CEP162: variants seen among roughly 807,000 people sequenced by gnomAD.
CEP162 encodes the protein centrosomal protein 162, also known as centrosomal protein of 162 kDa.
CEP162 carries 141 observed loss-of-function variants against 169.2 expected under a neutral mutation model. The observed-to-expected ratio is 0.83, with a 90% CI of 0.73 to 0.96. The LOEUF is 0.96. CEP162 is among the 40% of genes least tolerant of loss of function. CEP162 has a pLI of 0.00. For synonymous variants in CEP162, 540 were observed against 526.4 expected (o/e 1.03, Z -0.35); for missense variants, 1,600 against 1,587.2 (o/e 1.01, Z -0.14).
intron 2 of CEP162, among the ~76,000 whole-genome samples, chr6:84,222,923 T>G (rs1318319274): frequency 6.6e-6 from 1 of 152,202 alleles, no homozygotes; most frequent in Non-Finnish European, 1.5e-5. Context: ...AGAAAAAATA[T>G]TCCTTAAACC....
Position 84,155,543 on chromosome 6 carries a change from T to TA in CEP162, c.2782-34dup, listed in dbSNP as rs1236684129. The TA allele has an allele frequency of 3.6e-6, 5 of 1,384,774 alleles. No homozygotes were observed. In the East Asian group the frequency reaches 9.2e-5, roughly 25 times the overall value. 85.8% of individuals were successfully genotyped at this position (1,384,774 alleles called of 1,614,324 possible). On this transcript the variant is annotated intron_variant, in intron 21 of 26. Transcript: ENST00000403245. Reference sequence around the variant, plus strand: ...AACATATTTTCCACCAAAGAACACTTAGATTTAATAAATGAATTCAGTAAA... The same window carrying TA: ...AACATATTTTCCACCAAAGAACACTTAAGATTTAATAAATGAATTCAGTAAA...
chr6:84,153,041 G>C lies in CEP162; in HGVS notation c.3133C>G (p.Leu1045Val). 1.9e-6 allele frequency: 3 copies of C among 1,613,484 alleles called. No homozygotes were observed. Among genetic ancestry groups the C allele is most frequent in the Non-Finnish European group, 2.5e-6 (3 of 1,179,730 alleles). Reference protein sequence around the residue: ...KEAHQITVRNLEAEIDVLKHQ... With the variant: ...KEAHQITVRNVEAEIDVLKHQ... ...TTAAGAACGTCTATTTCGGCTTCAA[G>C]GTTTCTTACAGTGATCTGATGGGCT... is the stretch of plus-strand genomic sequence containing the variant. The change falls in exon 23 of 27, where the codon CTT (leucine) becomes GTT (valine). Residue 1045 changes from leucine (L) to valine (V), a missense_variant. By Grantham distance (32) the Leu-to-Val change is conservative. Coordinates refer to ENST00000403245, the MANE Select transcript of CEP162 (RefSeq NM_014895.4).
At chr6:84,166,433 C>T (rs1264612596) in intron 18 of CEP162, among the ~76,000 whole-genome samples, 1 of 152,220 alleles carries the variant, frequency 6.6e-6, no homozygotes, top group Admixed American at 6.5e-5. Flanking sequence ...TTACCTCTAA[C>T]TCATCACCCA....
intron 6 of CEP162, 46 bp downstream of exon 6, chr6:84,212,911 A>G (rs1229847973): frequency 8.9e-7 from 1 of 1,118,034 alleles, no homozygotes. Flanking sequence ...ATTAAAAGCT[A>G]TATTATCTTT....
intron 25 of CEP162, among the ~76,000 whole-genome samples, chr6:84,140,867 A>G (rs1268649589): frequency 6.6e-6 from 1 of 152,188 alleles, no homozygotes; most frequent in Non-Finnish European, 1.5e-5. Flanking sequence ...GGTCTAGAGC[A>G]GCAGTTCCCA....
At chr6:84,221,230 TTCA>T (rs2099553607) in intron 2 of CEP162, 59 bp from the exon 3 acceptor site, 1 of 835,546 alleles carries the variant, frequency 1.2e-6, no homozygotes, top group Admixed American at 1.9e-5. Context: ...GAATCTCAGA[TTCA>T]TCATTAAGCA....
chr6:84,128,107 T>C (rs1001641194), intron 25 of CEP162, among the ~76,000 whole-genome samples: 4 of 152,226 alleles, frequency 2.6e-5, no homozygotes, highest in African/African-American at 9.6e-5. Context: ...CACCCAGCGC[T>C]GCCCATGGCA....
Position 84,192,712 on chromosome 6 carries a change from T to G in CEP162, c.1109+897A>C, listed in dbSNP as rs532021016. On this transcript the variant is annotated intron_variant, in intron 11 of 26. Coordinates refer to ENST00000403245, the MANE Select transcript of CEP162 (RefSeq NM_014895.4). Reference sequence around the variant, plus strand: ...TGACAGACTATTTCACAGAAGTATTTTATGGAGATCAAAGACCTGACAATG... The same window carrying G: ...TGACAGACTATTTCACAGAAGTATTGTATGGAGATCAAAGACCTGACAATG... 7.2e-5 allele frequency among the ~76,000 whole-genome samples: 11 copies of G among 152,326 alleles called. No homozygotes were observed. The South Asian group carries it at 2.3e-3, about 32-fold the overall frequency.
At chr6:84,152,438 A>G in intron 23 of CEP162, 107 bp downstream of exon 23, 1 of 566,418 alleles carries the variant, frequency 1.8e-6, no homozygotes, top group Non-Finnish European at 2.9e-6. Flanking sequence ...TTCACTTATG[A>G]ATTCAGTTCG....
At chr6:84,130,171 G>A (rs775599177) in intron 25 of CEP162, among the ~76,000 whole-genome samples, 3 of 152,136 alleles carry the variant, frequency 2.0e-5, no homozygotes, top group East Asian at 1.9e-4. Context: ...ATTGATTTGC[G>A]TATGGTGAAC....
intron 11 of CEP162, among the ~76,000 whole-genome samples, chr6:84,189,935 C>T (rs919217917): frequency 1.3e-5 from 2 of 152,088 alleles, no homozygotes; most frequent in African/African-American, 4.8e-5. Context: ...CTGTACCAAT[C>T]GACACTCTGT....
chr6:84,205,002 C>T (rs908241837), intron 6 of CEP162, among the ~76,000 whole-genome samples: 2 of 152,120 alleles, frequency 1.3e-5, no homozygotes, highest in African/African-American at 2.4e-5. Flanking sequence ...TGGACACATA[C>T]ACCCTCCCAA....
At chr6:84,221,581 G>A (rs974523124) in intron 2 of CEP162, among the ~76,000 whole-genome samples, 3 of 152,118 alleles carry the variant, frequency 2.0e-5, no homozygotes, top group African/African-American at 4.8e-5. Flanking sequence ...GAGTTTCAGG[G>A]TGTAAAGAGG....
At chr6:84,171,352 A>G (rs1180293453) in intron 17 of CEP162, among the ~76,000 whole-genome samples, 1 of 152,218 alleles carries the variant, frequency 6.6e-6, no homozygotes, top group East Asian at 1.9e-4. Flanking sequence ...CCTGAAACTG[A>G]TGTTTGAATC....
chr6:84,139,308 CCTTT>C lies in CEP162; in HGVS notation c.3870+7375_3870+7378del, dbSNP rs200032579. Among the ~76,000 whole-genome samples, 1,499 of 152,244 alleles carry C rather than the reference CCTTT, an allele frequency of 9.8e-3. 16 individuals carry two copies. Among genetic ancestry groups the C allele is most frequent in the Non-Finnish European group, 0.014 (984 of 68,024 alleles). ...TAGCCTAAAAACGACTTTCCTCTGT[CCTTT>C]CTTTATCTACAAATTGATTGTTCTT... On this transcript the variant is annotated intron_variant, in intron 25 of 26. Coordinates refer to ENST00000403245, the MANE Select transcript of CEP162 (RefSeq NM_014895.4).
At chr6:84,215,708 T>C in intron 4 of CEP162, 68 bp downstream of exon 4, 2 of 1,505,128 alleles carry the variant, frequency 1.3e-6, no homozygotes, top group Non-Finnish European at 1.8e-6. Context: ...TTCAAGATAA[T>C]TTTTGTAATT....
In CEP162 at chr6:84,169,440, T is replaced by G; in HGVS notation, c.2280-7A>C. ...ACTTTTGTGCATCTGTTCTCTAATT[T>G]ATTTTGAAAATAAAAAGTTGTTTTT... On this transcript the variant is annotated splice_region_variant and splice_polypyrimidine_tract_variant and intron_variant, in intron 17 of 26. Coordinates refer to ENST00000403245, the MANE Select transcript of CEP162 (RefSeq NM_014895.4). 3 of 1,507,208 alleles carry G rather than the reference T, an allele frequency of 2.0e-6. No homozygotes were observed. Among genetic ancestry groups the G allele is most frequent in the Non-Finnish European group, 2.7e-6 (3 of 1,118,782 alleles). The allele number at this position is 1,507,208 out of a possible 1,614,324, so 93.4% of individuals were successfully genotyped here. A position where few individuals can be genotyped will look rare whatever the true frequency, so the allele number is the denominator to read the frequency against.
At position 84,207,300 on chromosome 6, in the gene CEP162, A is replaced by G. The variant is rs1055370863; in HGVS notation, c.572-3204T>C. 2.1e-4 allele frequency among the ~76,000 whole-genome samples: 32 copies of G among 152,196 alleles called. 1 individual carries two copies. The highest frequency in any genetic ancestry group is 7.7e-4 in the African/African-American group (32 of 41,466). On this transcript the variant is annotated intron_variant, in intron 6 of 26. Transcript: ENST00000403245. ...TTATTGTGGCACTGTTCACAATAGC[A>G]AAGACTTGGAGTCAACCCAAATGTC...
At chr6:84,181,035 C>T (rs1366115664) in intron 13 of CEP162, among the ~76,000 whole-genome samples, 2 of 152,044 alleles carry the variant, frequency 1.3e-5, no homozygotes, top group Non-Finnish European at 2.9e-5. Context: ...AAAAAGAGCC[C>T]ATATAGCCAA....
Sources: allele counts gnomAD v4.1 joint callset (sites outside exome capture counted in the v4.1 genomes callset), GRCh38; gene constraint gnomAD v4.1.1; transcripts MANE v1.5; gene names NCBI Gene and HGNC (gene_info 2026-07-23, HGNC 2026-07-21).